Variants in EIPR1 observed in about 807,000 individuals in gnomAD.
EIPR1 encodes the protein EARP and GARP complex-interacting protein 1.
In EIPR1, 25 loss-of-function variants were observed where a neutral mutation model predicts 48.1. That is an observed-to-expected ratio of 0.52 (90% CI 0.38 to 0.73). EIPR1 has a LOEUF of 0.73. Ranked by LOEUF, EIPR1 falls within the 30% of genes least tolerant of loss-of-function variation. EIPR1 has a pLI of 0.00. For synonymous variants in EIPR1, 204 were observed against 201.9 expected (o/e 1.01, Z -0.09); for missense variants, 415 against 506.2 (o/e 0.82, Z 1.73).
At chr2:3,347,461 C>A (rs1229459115) in intron 2 of EIPR1, among the ~76,000 whole-genome samples, 4 of 152,192 alleles carry the variant, frequency 2.6e-5, no homozygotes, top group Admixed American at 6.5e-5. Flanking sequence ...GCTCTCTTTG[C>A]CTGCCGCCAT....
chr2:3,252,928 G>A (rs1034347115), intron 4 of EIPR1, among the ~76,000 whole-genome samples: 9 of 152,210 alleles, frequency 5.9e-5, no homozygotes, highest in African/African-American at 9.6e-5. Flanking sequence ...CCATCTGAAC[G>A]GACTTTCTCC....
chr2:3,325,987 A>G (rs1376967947), intron 3 of EIPR1, among the ~76,000 whole-genome samples: 2 of 152,208 alleles, frequency 1.3e-5, no homozygotes, highest in African/African-American at 4.8e-5. Flanking sequence ...GGCTGGCCCA[A>G]TGCTTCCAGT....
intron 1 of EIPR1, among the ~76,000 whole-genome samples, chr2:3,370,907 G>A (rs1028416812): frequency 1.1e-4 from 17 of 152,092 alleles, no homozygotes; most frequent in South Asian, 2.1e-4. Context: ...GATACTCCTC[G>A]AGAAGAGCAA....
intron 3 of EIPR1, among the ~76,000 whole-genome samples, chr2:3,330,009 G>A (rs941428939): frequency 3.3e-5 from 5 of 152,016 alleles, no homozygotes; most frequent in Admixed American, 6.5e-5. Flanking sequence ...GGCTCCCCCA[G>A]ATGACAGTTC....
At chr2:3,257,638 G>T in intron 3 of EIPR1, 183 bp from the exon 4 acceptor site, 1 of 556,010 alleles carries the variant, frequency 1.8e-6, no homozygotes, top group Non-Finnish European at 3.0e-6. Context: ...GGCAGAACCC[G>T]GCACGGTTCG....
intron 5 of EIPR1, among the ~76,000 whole-genome samples, chr2:3,198,544 C>T (rs951723768): frequency 6.6e-6 from 1 of 152,148 alleles, no homozygotes; most frequent in Non-Finnish European, 1.5e-5. Flanking sequence ...CGGGGGAACC[C>T]ACCCCCGATA....
At chr2:3,251,145 G>T (rs966779715) in intron 4 of EIPR1, among the ~76,000 whole-genome samples, 1 of 152,126 alleles carries the variant, frequency 6.6e-6, no homozygotes, top group East Asian at 1.9e-4. Flanking sequence ...GGCGGCCAGC[G>T]GTCTGCTGAA....
At chr2:3,343,677 A>G (rs547113980) in intron 2 of EIPR1, among the ~76,000 whole-genome samples, 13 of 152,364 alleles carry the variant, frequency 8.5e-5, no homozygotes, top group Admixed American at 8.5e-4. Flanking sequence ...TAGGAAGTCC[A>G]TGAAGATGAA....
intron 3 of EIPR1, 174 bp from the exon 4 acceptor site, chr2:3,257,629 G>T: frequency 3.3e-6 from 2 of 613,216 alleles, no homozygotes; most frequent in Non-Finnish European, 5.2e-6. Flanking sequence ...GAGTCGGCAG[G>T]CAGAACCCGG....
chr2:3,348,574 G>A (rs138780517), intron 2 of EIPR1, among the ~76,000 whole-genome samples: 2,563 of 152,318 alleles, frequency 0.017, 57 homozygotes, highest in Admixed American at 0.053. Context: ...CCTAAGCACA[G>A]GGAGCTATGA....
At chr2:3,364,239 T>C (rs371160611) in intron 1 of EIPR1, among the ~76,000 whole-genome samples, 38 of 152,276 alleles carry the variant, frequency 2.5e-4, no homozygotes, top group Admixed American at 4.6e-4. Context: ...TTGTTCACAA[T>C]AGCCAAGACA....
intron 1 of EIPR1, among the ~76,000 whole-genome samples, chr2:3,360,927 G>A (rs922815692): frequency 6.6e-6 from 1 of 151,734 alleles, no homozygotes; most frequent in Non-Finnish European, 1.5e-5. Flanking sequence ...AGGGGAGGGG[G>A]AAGGAAGGGG....
intron 3 of EIPR1, among the ~76,000 whole-genome samples, chr2:3,317,243 A>C (rs1405026371): frequency 2.0e-5 from 3 of 150,730 alleles, no homozygotes; most frequent in African/African-American, 4.9e-5. Flanking sequence ...GACCAAGCTG[A>C]GGACCTACTG....
chr2:3,334,249 C>A (rs776924331), intron 3 of EIPR1, among the ~76,000 whole-genome samples: 1 of 152,178 alleles, frequency 6.6e-6, no homozygotes, highest in African/African-American at 2.4e-5. Flanking sequence ...TAAATTGCAA[C>A]TCTGATCTTT....
chr2:3,268,227 G>A (rs374279663), intron 3 of EIPR1, among the ~76,000 whole-genome samples: 19 of 152,290 alleles, frequency 1.2e-4, no homozygotes, highest in African/African-American at 3.8e-4. Flanking sequence ...TGGGGCCCGC[G>A]CCAGCATCCT....
At chr2:3,229,664 T>C (rs1184322022) in intron 4 of EIPR1, among the ~76,000 whole-genome samples, 3 of 152,260 alleles carry the variant, frequency 2.0e-5, no homozygotes, top group African/African-American at 7.2e-5. Flanking sequence ...TTCCATTAAG[T>C]GGCAGGTGTT....
At chr2:3,280,465 G>A (rs1667981751) in intron 3 of EIPR1, among the ~76,000 whole-genome samples, 1 of 152,158 alleles carries the variant, frequency 6.6e-6, no homozygotes, top group East Asian at 1.9e-4. Context: ...GCCCTGGGAA[G>A]ACTGGCCCCG....
intron 4 of EIPR1, among the ~76,000 whole-genome samples, chr2:3,243,023 G>A (rs888722661): frequency 6.6e-6 from 1 of 152,174 alleles, no homozygotes; most frequent in African/African-American, 2.4e-5. Flanking sequence ...ACAGAATCAT[G>A]TTTCTATGCT....
At chr2:3,263,836 A>C (rs527511020) in intron 3 of EIPR1, among the ~76,000 whole-genome samples, 1 of 124,202 alleles carries the variant, frequency 8.1e-6, no homozygotes, top group Admixed American at 8.5e-5. Context: ...ATGATGCTGC[A>C]GCACCATTAA....
Sources: allele counts gnomAD v4.1 joint callset (sites outside exome capture counted in the v4.1 genomes callset), GRCh38; gene constraint gnomAD v4.1.1; transcripts MANE v1.5; gene names NCBI Gene and HGNC (gene_info 2026-07-23, HGNC 2026-07-21).